CHN1: variants seen among roughly 807,000 people sequenced by gnomAD.
The protein encoded by CHN1 is N-chimaerin.
In CHN1, 37 loss-of-function variants were observed where a neutral mutation model predicts 59.5. The ratio of observed to expected loss-of-function variants is 0.62; its 90% CI spans 0.48 to 0.82. CHN1 has a LOEUF of 0.82. CHN1 is among the 40% of genes least tolerant of loss of function. The probability of loss-of-function intolerance (pLI) is 0.00; values close to 1 mark genes in which losing one functional copy is unlikely to be tolerated. For synonymous variants in CHN1, 206 were observed against 200.4 expected (o/e 1.03, Z -0.24); for missense variants, 469 against 571.0 (o/e 0.82, Z 1.82).
rs772824211 is a variant in CHN1, at chr2:174,801,731, C to T, written c.1184G>A (p.Arg395Gln). 1.5e-5 allele frequency: 24 copies of T among 1,613,000 alleles called. No homozygotes were observed. The highest frequency in any genetic ancestry group is 6.6e-5 in the South Asian group (6 of 91,054). The change falls in exon 12 of 13, where the codon CGG (arginine) becomes CAG (glutamine). Residue 395 changes from arginine to glutamine, a missense_variant. Around this residue, in one of 5 missense-constraint regions of CHN1, gnomAD observed 225 missense variants for 289.9 expected, o/e 0.78. Coordinates refer to ENST00000409900, the MANE Select transcript of CHN1 (RefSeq NM_001822.7). ...LLPPAHCETLRYLMAHLKRVT... is the reference protein window; with the variant it reads ...LLPPAHCETLQYLMAHLKRVT... ...CCTCTTTAGATGTGCCATGAGGTACCGGAGGGTTTCGCAGTGAGCAGGTGG... is the reference window on the plus strand; with the variant it reads ...CCTCTTTAGATGTGCCATGAGGTACTGGAGGGTTTCGCAGTGAGCAGGTGG...
At chr2:174,868,829 A>AGTG (rs1687310045) in intron 6 of CHN1, among the ~76,000 whole-genome samples, 1 of 152,214 alleles carries the variant, frequency 6.6e-6, no homozygotes, top group Non-Finnish European at 1.5e-5. Flanking sequence ...TAAATGTTGT[A>AGTG]GTGGTGTTCC....
chr2:174,884,533 G>A (rs1350192230), intron 5 of CHN1, among the ~76,000 whole-genome samples: 1 of 152,062 alleles, frequency 6.6e-6, no homozygotes, highest in Non-Finnish European at 1.5e-5. Context: ...CTGCAATATT[G>A]TTTAACAAAG....
chr2:174,931,772 C>T (rs1052105690), intron 3 of CHN1, among the ~76,000 whole-genome samples: 2 of 152,070 alleles, frequency 1.3e-5, no homozygotes, highest in African/African-American at 4.8e-5. Context: ...CAATGGGCCT[C>T]GCTGGGAAGA....
At chr2:174,969,695 T>G (rs192503448) in intron 1 of CHN1, among the ~76,000 whole-genome samples, 521 of 150,700 alleles carry the variant, frequency 3.5e-3, no homozygotes, top group Non-Finnish European at 6.5e-3. Flanking sequence ...TTCATACTCT[T>G]TTTTTTTTCT....
chr2:174,935,236 G>C (rs1029080998), intron 3 of CHN1, among the ~76,000 whole-genome samples: 10 of 152,124 alleles, frequency 6.6e-5, no homozygotes, highest in African/African-American at 2.4e-4. Context: ...TTGAGCTACC[G>C]CTCCATTCCC....
chr2:174,880,947 G>A (rs547960224), intron 5 of CHN1, among the ~76,000 whole-genome samples: 1 of 151,792 alleles, frequency 6.6e-6, no homozygotes, highest in Admixed American at 6.6e-5. Flanking sequence ...TCCGGAGGCT[G>A]AGGCAGGAGA....
At chr2:174,834,942 T>C (rs967053076) in intron 7 of CHN1, among the ~76,000 whole-genome samples, 2 of 152,206 alleles carry the variant, frequency 1.3e-5, no homozygotes, top group African/African-American at 4.8e-5. Context: ...AACGTATGTA[T>C]AATTTCTAGA....
At chr2:174,828,621 T>C (rs1295760895) in intron 7 of CHN1, among the ~76,000 whole-genome samples, 3 of 152,230 alleles carry the variant, frequency 2.0e-5, no homozygotes, top group Non-Finnish European at 4.4e-5. Flanking sequence ...GACGTTGTTG[T>C]ATTTTAATTA....
intron 5 of CHN1, among the ~76,000 whole-genome samples, chr2:174,897,020 AG>A (rs1008206400): frequency 2.0e-5 from 3 of 152,204 alleles, no homozygotes; most frequent in African/African-American, 7.2e-5. Context: ...AAGCAAAGGA[AG>A]AAAGGGATTT....
In CHN1 at chr2:175,005,054, G is replaced by T. The variant is rs1307969033; in HGVS notation, c.-142C>A. 9 of 1,365,906 alleles carry T rather than the reference G, an allele frequency of 6.6e-6. No individual in the cohort carries two copies. In the Admixed American group the frequency reaches 2.8e-4, roughly 42 times the overall value. The allele number at this position is 1,365,906 out of a possible 1,614,324, so 84.6% of individuals were successfully genotyped here. ...TGCTGGGGGCGCCGGCGCCCGGGGA[G>T]GCTGCAGGCCGGGACGCGGGGGACC... On this transcript the variant is annotated 5_prime_UTR_variant, in exon 1 of 13. Transcript: ENST00000409900.
chr2:174,883,891 AACAAAAAG>A (rs1006767064), intron 5 of CHN1, among the ~76,000 whole-genome samples: 10 of 151,804 alleles, frequency 6.6e-5, no homozygotes, highest in East Asian at 1.9e-4. Context: ...AATTTTAAAG[AACAAAAAG>A]ACAAAAAGAT....
At chr2:174,843,178 AAT>A (rs1403788637) in intron 7 of CHN1, among the ~76,000 whole-genome samples, 1 of 152,176 alleles carries the variant, frequency 6.6e-6, no homozygotes, top group Non-Finnish European at 1.5e-5. Context: ...GAGTAAAATA[AAT>A]ATAGAGGATT....
At chr2:174,858,833 GGTCA>G (rs1017342981) in intron 6 of CHN1, among the ~76,000 whole-genome samples, 2 of 151,870 alleles carry the variant, frequency 1.3e-5, no homozygotes, top group African/African-American at 2.4e-5. Flanking sequence ...GTCCACATGT[GGTCA>G]GTATGTTAGA....
chr2:174,941,219 T>C (rs1198288930), intron 3 of CHN1, among the ~76,000 whole-genome samples: 1 of 152,116 alleles, frequency 6.6e-6, no homozygotes, highest in Admixed American at 6.6e-5. Context: ...TCCAACACAA[T>C]ATGTTCCAGG....
intron 1 of CHN1, among the ~76,000 whole-genome samples, chr2:174,973,743 G>C (rs1322643231): frequency 6.6e-6 from 1 of 152,194 alleles, no homozygotes; most frequent in Non-Finnish European, 1.5e-5. Context: ...CTGGAAACCT[G>C]TCTCTACCAG....
At chr2:174,896,251 A>G (rs1354465238) in intron 5 of CHN1, among the ~76,000 whole-genome samples, 2 of 152,142 alleles carry the variant, frequency 1.3e-5, no homozygotes, top group Non-Finnish European at 2.9e-5. Context: ...TTCTCTATGT[A>G]TTAGATATGC....
chr2:174,993,448 C>T (rs753869675), intron 1 of CHN1, among the ~76,000 whole-genome samples: 2 of 151,944 alleles, frequency 1.3e-5, no homozygotes, highest in African/African-American at 4.8e-5. Flanking sequence ...GAATGACATT[C>T]ACAAACACCT....
rs1007071093 is a variant in CHN1, at chr2:174,887,722, A to G, written c.261-9594T>C. Among the ~76,000 whole-genome samples, 4 of 152,234 alleles carry G rather than the reference A, an allele frequency of 2.6e-5. No individual in the cohort carries two copies. The South Asian group carries it at 8.3e-4, about 31-fold the overall frequency. ...TATGTATCTTTTAGAGCAACATAAC[A>G]AAGAAATCATGAATATCTGTCTACT... On this transcript the variant is annotated intron_variant, in intron 5 of 12. Transcript: ENST00000409900.
chr2:174,943,048 T>TAA (rs565185792), intron 3 of CHN1, among the ~76,000 whole-genome samples: 5 of 145,182 alleles, frequency 3.4e-5, no homozygotes, highest in Admixed American at 1.4e-4. Flanking sequence ...AGACTCTATC[T>TAA]AAAAAAAAAA....
Sources: allele counts gnomAD v4.1 joint callset (sites outside exome capture counted in the v4.1 genomes callset), GRCh38; gene constraint gnomAD v4.1.1; regional missense constraint gnomAD v4.1.1; transcripts MANE v1.5; gene names NCBI Gene and HGNC (gene_info 2026-07-23, HGNC 2026-07-21).